The following NRP2 variants were observed in gnomAD, a reference collection of about 807,000 sequenced individuals.
The protein encoded by NRP2 is neuropilin 2, also known as neuropilin-2.
In NRP2, 52 loss-of-function variants were observed where a neutral mutation model predicts 110.4. The ratio of observed to expected loss-of-function variants is 0.47; its 90% CI spans 0.38 to 0.59. The LOEUF is 0.59. Among genes scored for constraint, NRP2 ranks in the 20% least tolerant of loss-of-function variants. NRP2 has a pLI of 0.00. For missense variants in NRP2, 1,049 were observed against 1,203.0 expected (o/e 0.87, Z 1.89); for synonymous variants, 508 against 468.9 (o/e 1.08, Z -1.08).
At chr2:205,753,563 C>T (rs1179507441) in intron 12 of NRP2, among the ~76,000 whole-genome samples, 1 of 152,168 alleles carries the variant, frequency 6.6e-6, no homozygotes. Context: ...ATTTTAGTTT[C>T]AGAAAGCCAG....
intron 9 of NRP2, 68 bp from the exon 10 acceptor site, chr2:205,745,678 G>C (rs1235903237): frequency 6.3e-7 from 1 of 1,596,296 alleles, no homozygotes; most frequent in East Asian, 2.2e-5. Context: ...AGAAGGGGAA[G>C]GAAAGGGAAG....
intron 15 of NRP2, chr2:205,779,182 C>T (rs1290447971): frequency 1.3e-5 from 2 of 152,188 alleles, no homozygotes; most frequent in Non-Finnish European, 2.9e-5. Context: ...AGGCCTAGCT[C>T]GGGCTGATAA....
intron 8 of NRP2, 89 bp downstream of exon 8, chr2:205,740,752 C>T: frequency 1.4e-6 from 2 of 1,457,156 alleles, no homozygotes; most frequent in South Asian, 1.2e-5. Flanking sequence ...ATGACTGCAC[C>T]ACATGACCTT....
chr2:205,699,094 A>C (rs1198058744), intron 2 of NRP2, among the ~76,000 whole-genome samples: 5 of 152,222 alleles, frequency 3.3e-5, no homozygotes, highest in Non-Finnish European at 7.3e-5. Flanking sequence ...TGAATGCCTC[A>C]TGTGACGAAG....
chr2:205,699,332 G>A (rs73983221), intron 2 of NRP2, among the ~76,000 whole-genome samples: 1 of 152,184 alleles, frequency 6.6e-6, no homozygotes, highest in African/African-American at 2.4e-5. Context: ...ACTGCAGAAG[G>A]TTGGCACAAA....
At chr2:205,746,299 A>G (rs1473547777) in intron 10 of NRP2, among the ~76,000 whole-genome samples, 2 of 152,166 alleles carry the variant, frequency 1.3e-5, no homozygotes, top group Non-Finnish European at 2.9e-5. Flanking sequence ...TGGCTAAGAG[A>G]CTTCATTTTC....
At chr2:205,789,547 C>A (rs2058274444) in intron 15 of NRP2, among the ~76,000 whole-genome samples, 1 of 152,172 alleles carries the variant, frequency 6.6e-6, no homozygotes, top group Admixed American at 6.5e-5. Flanking sequence ...TGATGTCTGC[C>A]CTGACTTCGG....
chr2:205,790,180 C>T (rs559303227), intron 15 of NRP2, among the ~76,000 whole-genome samples: 1 of 152,302 alleles, frequency 6.6e-6, no homozygotes, highest in African/African-American at 2.4e-5. Flanking sequence ...ATCTCAGCTG[C>T]ATCTGGGCAA....
chr2:205,752,143 T>C (rs1235313287), intron 11 of NRP2, among the ~76,000 whole-genome samples: 1 of 152,184 alleles, frequency 6.6e-6, no homozygotes, highest in East Asian at 1.9e-4. Context: ...GGATTCAGCA[T>C]GATGGGAAAT....
rs1176762493 is a variant in NRP2 at position 205,683,220 on chromosome 2, A to T, written c.-71A>T. The T allele has an allele frequency of 8.7e-7, 1 of 1,154,654 alleles. No homozygotes were observed. Among genetic ancestry groups the T allele is most frequent in the Non-Finnish European group, 1.3e-6 (1 of 773,050 alleles). 71.5% of individuals were successfully genotyped at this position (1,154,654 alleles called of 1,614,324 possible). A position where few individuals can be genotyped will look rare whatever the true frequency, so the allele number is the denominator to read the frequency against. The stretch of plus-strand genomic sequence containing the variant: ...AAGACGTTGTAAGGAGGAAAATAAA[A>T]GAGAGAAAAACACAAAGATTTAAAC... On this transcript the variant is annotated 5_prime_UTR_variant, in exon 1 of 17. In the 5' UTR this introduces an upstream ATG that the reference lacks. Transcript: ENST00000357785.
intron 1 of NRP2, among the ~76,000 whole-genome samples, chr2:205,695,502 A>G (rs1266615519): frequency 1.3e-5 from 2 of 152,112 alleles, no homozygotes; most frequent in Non-Finnish European, 2.9e-5. Context: ...TGGGGAAAGG[A>G]GGGAGAGAGT....
chr2:205,687,056 A>C (rs935268357), intron 1 of NRP2, among the ~76,000 whole-genome samples: 1 of 152,028 alleles, frequency 6.6e-6, no homozygotes, highest in Non-Finnish European at 1.5e-5. Flanking sequence ...AAGAACCCAG[A>C]CCCCATAACC....
chr2:205,705,873 C>T (rs768988466), intron 2 of NRP2, among the ~76,000 whole-genome samples: 50 of 152,070 alleles, frequency 3.3e-4, no homozygotes, highest in Non-Finnish European at 6.6e-4. Context: ...CTTTAGATAT[C>T]CTTGACAAGC....
At chr2:205,697,998 G>T in intron 2 of NRP2, 1 of 476,946 alleles carries the variant, frequency 2.1e-6, no homozygotes, top group Non-Finnish European at 3.9e-6. Context: ...ATTTCCATGT[G>T]GTGGCAGGGG....
chr2:205,694,947 ATG>A (rs1486458679), intron 1 of NRP2, among the ~76,000 whole-genome samples: 1 of 152,228 alleles, frequency 6.6e-6, no homozygotes, highest in Non-Finnish European at 1.5e-5. Context: ...TGTGCAAATG[ATG>A]TGTGATATTT....
intron 7 of NRP2, 38 bp from the exon 8 acceptor site, chr2:205,740,481 G>C: frequency 6.2e-7 from 1 of 1,613,328 alleles, no homozygotes; most frequent in Non-Finnish European, 8.5e-7. Flanking sequence ...ACTACAAACA[G>C]GGGTTTCAAT....
chr2:205,788,022 A>G (rs1336004177), intron 15 of NRP2, among the ~76,000 whole-genome samples: 1 of 151,982 alleles, frequency 6.6e-6, no homozygotes, highest in African/African-American at 2.4e-5. Context: ...CACACTAGAG[A>G]ATATTTGACT....
chr2:205,742,396 A>G (rs567527753), intron 8 of NRP2, among the ~76,000 whole-genome samples: 1 of 152,374 alleles, frequency 6.6e-6, no homozygotes, highest in East Asian at 1.9e-4. Flanking sequence ...TAATAAACAA[A>G]TGCAAGTACT....
At chr2:205,737,257 T>G (rs868855870) in intron 7 of NRP2, among the ~76,000 whole-genome samples, 5 of 152,346 alleles carry the variant, frequency 3.3e-5, no homozygotes, top group African/African-American at 9.6e-5. Flanking sequence ...GCAAAAGCAC[T>G]TAGGCTGTAA....
Sources: gnomAD v4.1 joint callset for allele counts (sites outside exome capture counted in the v4.1 genomes callset) on GRCh38, gnomAD v4.1.1 for gene constraint, MANE v1.5 for transcripts, NCBI Gene and HGNC (gene_info 2026-07-23, HGNC 2026-07-21) for gene names.